Variants in ARHGEF3 observed in about 807,000 individuals in gnomAD.
The protein encoded by ARHGEF3 is 59.8 kDA protein.
In ARHGEF3, 28 loss-of-function variants were observed where a neutral mutation model predicts 63.2. That is an observed-to-expected ratio of 0.44 (90% CI 0.33 to 0.61). The LOEUF (loss-of-function observed/expected upper bound fraction) is 0.61. ARHGEF3 is among the 20% of genes least tolerant of loss of function. The pLI, the probability that ARHGEF3 is intolerant of heterozygous loss-of-function variation, is 0.03. For synonymous variants in ARHGEF3, 266 were observed against 254.2 expected, an observed-to-expected ratio of 1.05 and a Z score of -0.44; for missense variants, 533 against 659.3, an observed-to-expected ratio of 0.81 and a Z score of 2.10.
At chr3:56,804,896 T>C (rs995293415), upstream of ARHGEF3, among the ~76,000 whole-genome samples, 1 of 152,164 alleles carries the variant, frequency 6.6e-6, no homozygotes, top group Non-Finnish European at 1.5e-5. Flanking sequence ...GGCAGTGACA[T>C]GCGTCACTCA....
intron 3 of ARHGEF3, among the ~76,000 whole-genome samples, chr3:56,918,538 A>G (rs931243498): frequency 3.3e-5 from 5 of 150,688 alleles, no homozygotes; most frequent in Admixed American, 3.3e-4. Context: ...GGGCAGAGAG[A>G]GGGCCAACAG....
rs2042191813 is a variant in ARHGEF3, at chr3:56,923,077, A to ATATAT, written c.129+35745_129+35746insATATA. Among the ~76,000 whole-genome samples the ATATAT allele has an allele frequency of 3.1e-4, 30 of 98,328 alleles. 2 individuals carry two copies. Among genetic ancestry groups the ATATAT allele is most frequent in the Admixed American group, 1.8e-3 (15 of 8,422 alleles). 64.5% of individuals were successfully genotyped at this position (98,328 alleles called of 152,430 possible). A position where few individuals can be genotyped will look rare whatever the true frequency, so the allele number is the denominator to read the frequency against. Reference sequence around the variant, plus strand: ...ATATATATATATATATATATATATAAATTAGTTGGGCATGGTGGCGTGTGC... The same window carrying ATATAT: ...ATATATATATATATATATATATATAATATATATTAGTTGGGCATGGTGGCGTGTGC... On this transcript the variant is annotated intron_variant, in intron 3 of 12. Transcript: ENST00000338458.
chr3:57,026,374 C>A (rs1313259544), intron 2 of ARHGEF3, among the ~76,000 whole-genome samples: 1 of 152,152 alleles, frequency 6.6e-6, no homozygotes, highest in Non-Finnish European at 1.5e-5. Context: ...GCACTCCAGC[C>A]TGGATGACAG....
chr3:56,869,748 T>C (rs937056703), intron 4 of ARHGEF3, among the ~76,000 whole-genome samples: 8 of 152,170 alleles, frequency 5.3e-5, no homozygotes, highest in African/African-American at 1.9e-4. Flanking sequence ...GAAGCCCAGA[T>C]GAAACTTCCT....
intron 3 of ARHGEF3, among the ~76,000 whole-genome samples, chr3:56,944,250 G>A (rs193139119): frequency 1.2e-3 from 184 of 152,290 alleles, no homozygotes; most frequent in African/African-American, 4.3e-3. Flanking sequence ...TTCCTCTGGT[G>A]GCTGTGGGCA....
chr3:56,958,999 C>T, intron 2 of ARHGEF3: 1 of 1,174,282 alleles, frequency 8.5e-7, no homozygotes, highest in Non-Finnish European at 1.2e-6. Flanking sequence ...AGAAATGGCC[C>T]AAACAAGGTG....
At chr3:56,735,433 C>T (rs78304040) in intron 8 of ARHGEF3, among the ~76,000 whole-genome samples, 1,945 of 151,788 alleles carry the variant, frequency 0.013, 40 homozygotes, top group African/African-American at 0.044. Flanking sequence ...ACAACTCTAC[C>T]GGGTGAAAAA....
chr3:56,748,103 T>C (rs1348835177), intron 6 of ARHGEF3, among the ~76,000 whole-genome samples: 8 of 152,206 alleles, frequency 5.3e-5, no homozygotes, highest in Non-Finnish European at 1.2e-4. Context: ...GGCATGATCA[T>C]GGCTTACTGC....
intron 2 of ARHGEF3, among the ~76,000 whole-genome samples, chr3:56,766,500 G>A (rs572821706): frequency 6.6e-6 from 1 of 152,320 alleles, no homozygotes; most frequent in South Asian, 2.1e-4. Context: ...GAGCTTAGGA[G>A]CAGCAATGGC....
At chr3:56,936,376 A>G (rs1412350259) in intron 3 of ARHGEF3, among the ~76,000 whole-genome samples, 3 of 152,170 alleles carry the variant, frequency 2.0e-5, no homozygotes, top group African/African-American at 7.2e-5. Context: ...CATTTTCTTG[A>G]GGTAATGGAG....
In ARHGEF3 at chr3:56,737,305, T is replaced by TTC. The variant is rs1369471069; in HGVS notation, c.919_920dup (p.Ser308AsnfsTer22). The TTC allele has an allele frequency of 6.2e-7, 1 of 1,613,726 alleles. No homozygotes were observed. Reference sequence around the variant, plus strand: ...GCTCTTTATAATAGCGGCATTCAGATTCACCAGTCTTGGTGTTGATTTCTG... The same window carrying TTC: ...GCTCTTTATAATAGCGGCATTCAGATTCTCACCAGTCTTGGTGTTGATTTCTG... On this transcript the variant is annotated frameshift_variant, in exon 8 of 10. Transcript: ENST00000296315. LOFTEE classifies it high-confidence loss of function.
intron 1 of ARHGEF3, chr3:56,775,121 G>C: frequency 1.3e-6 from 2 of 1,548,742 alleles, no homozygotes; most frequent in Non-Finnish European, 1.7e-6. Flanking sequence ...CATTTCCAGA[G>C]GGAGCCTCTA....
At chr3:56,889,057 G>A (rs578126576) in intron 3 of ARHGEF3, among the ~76,000 whole-genome samples, 8 of 152,076 alleles carry the variant, frequency 5.3e-5, no homozygotes, top group South Asian at 2.1e-4. Context: ...CCAGAGACTC[G>A]TTACTGCCTC....
At chr3:56,989,193 A>T (rs1701653608) in intron 2 of ARHGEF3, among the ~76,000 whole-genome samples, 1 of 152,334 alleles carries the variant, frequency 6.6e-6, no homozygotes, top group African/African-American at 2.4e-5. Context: ...GTTCTTTTTT[A>T]AAATCTGAAC....
At chr3:56,993,902 A>C (rs2106966545) in intron 2 of ARHGEF3, among the ~76,000 whole-genome samples, 1 of 151,092 alleles carries the variant, frequency 6.6e-6, no homozygotes, top group African/African-American at 2.4e-5. Flanking sequence ...GTCTCTACTA[A>C]ATATACAAAA....
chr3:57,035,236 C>CT (rs1703904262), intron 1 of ARHGEF3: 2 of 949,160 alleles, frequency 2.1e-6, no homozygotes, highest in Non-Finnish European at 3.0e-6. Context: ...GTTATAAACA[C>CT]ACAAAGAGCT....
At chr3:57,021,048 C>T (rs991014920) in intron 2 of ARHGEF3, among the ~76,000 whole-genome samples, 1 of 152,224 alleles carries the variant, frequency 6.6e-6, no homozygotes, top group African/African-American at 2.4e-5. Flanking sequence ...GTCAGTATTA[C>T]TCTAAGCCAC....
At chr3:56,963,284 C>CT (rs1700356985) in intron 2 of ARHGEF3, among the ~76,000 whole-genome samples, 1 of 152,104 alleles carries the variant, frequency 6.6e-6, no homozygotes, top group Admixed American at 6.6e-5. Context: ...GAGAAGACTC[C>CT]TTCTTTAACC....
intron 3 of ARHGEF3, among the ~76,000 whole-genome samples, chr3:56,945,891 C>G (rs919781945): frequency 1.3e-4 from 20 of 152,214 alleles, no homozygotes; most frequent in Non-Finnish European, 1.5e-5. Flanking sequence ...TACGGGCAGA[C>G]TGACACCTCA....
Sources: allele counts gnomAD v4.1 joint callset (sites outside exome capture counted in the v4.1 genomes callset), GRCh38; gene constraint gnomAD v4.1.1; transcripts MANE v1.5; gene names NCBI Gene and HGNC (gene_info 2026-07-23, HGNC 2026-07-21).